BCAS3: variants seen among roughly 807,000 people sequenced by gnomAD.
BCAS3 encodes BCAS3 microtubule associated cell migration factor.
In BCAS3, 53 loss-of-function variants were observed where a neutral mutation model predicts 116.1. The ratio of observed to expected loss-of-function variants is 0.46; its 90% CI spans 0.37 to 0.57. The LOEUF (loss-of-function observed/expected upper bound fraction) is 0.57. BCAS3 is among the 20% of genes least tolerant of loss of function. BCAS3 has a pLI of 0.00. For synonymous variants in BCAS3, 391 were observed against 408.2 expected (o/e 0.96, Z 0.51); for missense variants, 917 against 1,165.4 (o/e 0.79, Z 3.10).
Position 61,186,672 on chromosome 17 carries a change from A to G in BCAS3, c.2425+102108A>G, listed in dbSNP as rs1476691201. Among the ~76,000 whole-genome samples, 1 of 152,030 alleles carries G rather than the reference A, an allele frequency of 6.6e-6. No homozygotes were observed. Among genetic ancestry groups the G allele is most frequent in the Non-Finnish European group, 1.5e-5 (1 of 68,002 alleles). ...AATCCTTTCTCCCTTCCCTGCCCCC[A>G]GCCACCCAGTTTCTCTGTTTAGAGG... On this transcript the variant is annotated intron_variant, in intron 22 of 23. Transcript: ENST00000407086. The surrounding 1 kb of genome is among the most constrained non-coding windows in gnomAD (Gnocchi z 4.9).
At chr17:60,812,773 T>C (rs1014863464) in intron 7 of BCAS3, among the ~76,000 whole-genome samples, 1 of 152,148 alleles carries the variant, frequency 6.6e-6, no homozygotes, top group Admixed American at 6.6e-5. Context: ...AGAGTCTCCC[T>C]CGGTCACCCA....
intron 22 of BCAS3, among the ~76,000 whole-genome samples, chr17:61,234,022 A>C (rs942234760): frequency 6.6e-6 from 1 of 152,038 alleles, no homozygotes; most frequent in Non-Finnish European, 1.5e-5. Context: ...GGAGCAAAAA[A>C]AGTGGTTCTA....
intron 6 of BCAS3, among the ~76,000 whole-genome samples, chr17:60,765,243 C>T (rs1053014265): frequency 3.9e-5 from 6 of 152,126 alleles, no homozygotes; most frequent in Non-Finnish European, 7.4e-5. Context: ...ATGATGTTAG[C>T]TAGTTATTTT....
At chr17:60,992,140 A>G (rs1208976223) in intron 15 of BCAS3, among the ~76,000 whole-genome samples, 1 of 149,054 alleles carries the variant, frequency 6.7e-6, no homozygotes, top group Admixed American at 6.8e-5. Flanking sequence ...AATTTGTTTC[A>G]GCTTCTGTAC....
rs1198312148 is a variant in BCAS3, at chr17:61,082,237, T to A, written c.2328-2230T>A. On this transcript the variant is annotated intron_variant, in intron 21 of 23. Coordinates refer to ENST00000407086, the MANE Select transcript of BCAS3 (RefSeq NM_017679.5). This position sits in a 1 kb window ranked among gnomAD's most constrained non-coding sequence, Gnocchi z 5.1. ...TATTTTATTTTATTTAACTGAGATA[T>A]AATTCACATAACATGAAATTTACCA... Among the ~76,000 whole-genome samples the A allele has an allele frequency of 1.3e-5, 2 of 152,214 alleles. No homozygotes were observed. Among genetic ancestry groups the A allele is most frequent in the African/African-American group, 4.8e-5 (2 of 41,458 alleles).
At chr17:61,070,028 G>A (rs1437769743) in intron 19 of BCAS3, 4 of 1,595,092 alleles carry the variant, frequency 2.5e-6, no homozygotes, top group East Asian at 2.2e-5. Context: ...AAGACACTGC[G>A]ACTCTGGAGA....
chr17:61,380,803 C>A lies in BCAS3; in HGVS notation c.2594-11174C>A, dbSNP rs555524723. Among the ~76,000 whole-genome samples, 3 of 152,324 alleles carry A rather than the reference C, an allele frequency of 2.0e-5. No homozygotes were observed. Among genetic ancestry groups the A allele is most frequent in the African/African-American group, 4.8e-5 (2 of 41,572 alleles). ...TTTGAGAACGCCACTCCCTGCCCCC[C>A]ACTTTGAAGATGGAAGTGAAATTTT... On this transcript the variant is annotated intron_variant, in intron 23 of 23. Coordinates refer to ENST00000407086, the MANE Select transcript of BCAS3 (RefSeq NM_017679.5). The surrounding 1 kb of genome is among the most constrained non-coding windows in gnomAD (Gnocchi z 4.2).
At chr17:61,110,753 G>C (rs1320620724) in intron 22 of BCAS3, among the ~76,000 whole-genome samples, 1 of 152,138 alleles carries the variant, frequency 6.6e-6, no homozygotes, top group African/African-American at 2.4e-5. Context: ...AGCTCAAGGA[G>C]GCCTGCCTGC....
At chr17:60,822,563 TA>T (rs1003864402) in intron 7 of BCAS3, among the ~76,000 whole-genome samples, 2 of 152,232 alleles carry the variant, frequency 1.3e-5, no homozygotes, top group Non-Finnish European at 2.9e-5. Context: ...TTTCAATAAA[TA>T]TAAGTTAAGA....
intron 6 of BCAS3, among the ~76,000 whole-genome samples, chr17:60,792,299 TC>T (rs2046843663): frequency 6.6e-6 from 1 of 152,194 alleles, no homozygotes; most frequent in African/African-American, 2.4e-5. Context: ...GGCAGGAGCT[TC>T]GTGCATGGGC....
At chr17:61,384,857 A>C (rs1263365431) in intron 23 of BCAS3, among the ~76,000 whole-genome samples, 2 of 152,152 alleles carry the variant, frequency 1.3e-5, no homozygotes, top group African/African-American at 2.4e-5. Context: ...GCCAGCTCTG[A>C]AGCCTGAGGG....
At position 61,307,331 on chromosome 17, in the gene BCAS3, C is replaced by A. The variant is rs894380849; in HGVS notation, c.2426-60996C>A. Among the ~76,000 whole-genome samples, 2 of 152,216 alleles carry A rather than the reference C, an allele frequency of 1.3e-5. No individual in the cohort carries two copies. The highest frequency in any genetic ancestry group is 4.8e-5 in the African/African-American group (2 of 41,454). On this transcript the variant is annotated intron_variant, in intron 22 of 23. Transcript: ENST00000407086. The surrounding 1 kb of genome is among the most constrained non-coding windows in gnomAD (Gnocchi z 4.7). ...CTTTTTGGGGAACGAAAAAAACTAC[C>A]TGTAATTTTTCCTGTCTACTTTTAC...
chr17:61,312,623 C>A (rs2054402824), intron 22 of BCAS3, among the ~76,000 whole-genome samples: 1 of 152,208 alleles, frequency 6.6e-6, no homozygotes, highest in African/African-American at 2.4e-5. Flanking sequence ...TGAGTTGCTT[C>A]TGTCCTGGAA....
chr17:60,758,981 A>AT lies in BCAS3; in HGVS notation c.403+11718dup, dbSNP rs778345782. Reference sequence around the variant, plus strand: ...TTTTATTCCACTGTAGTCTGAGAAGATTTTTTTTTTTTTTTTGGACACAGT... The same window carrying AT: ...TTTTATTCCACTGTAGTCTGAGAAGATTTTTTTTTTTTTTTTTGGACACAGT... On this transcript the variant is annotated intron_variant, in intron 6 of 23. Transcript: ENST00000407086. Among the ~76,000 whole-genome samples the AT allele has an allele frequency of 3.5e-3, 491 of 140,738 alleles. 4 individuals carry two copies. The highest frequency in any genetic ancestry group is 0.014 in the East Asian group (70 of 4,844). The allele number at this position is 140,738 out of a possible 152,430, so 92.3% of individuals were successfully genotyped here. A position where few individuals can be genotyped will look rare whatever the true frequency, so the allele number is the denominator to read the frequency against.
intron 6 of BCAS3, among the ~76,000 whole-genome samples, chr17:60,763,861 C>A (rs1312483823): frequency 6.6e-6 from 1 of 152,120 alleles, no homozygotes; most frequent in African/African-American, 2.4e-5. Context: ...TTAATTATTG[C>A]CTCAATTTCA....
chr17:61,079,695 AAG>A (rs1276817825), intron 21 of BCAS3, among the ~76,000 whole-genome samples: 1 of 151,698 alleles, frequency 6.6e-6, no homozygotes, highest in Admixed American at 6.6e-5. Flanking sequence ...TCCTGGGTTC[AAG>A]CAGTTCTCCT....
chr17:60,895,084 G>A (rs1406944994), intron 10 of BCAS3, among the ~76,000 whole-genome samples: 1 of 152,114 alleles, frequency 6.6e-6, no homozygotes, highest in African/African-American at 2.4e-5. Flanking sequence ...CATAGAATGA[G>A]TTAGGGAGAG....
chr17:60,744,778 G>T (rs924485558), intron 5 of BCAS3, among the ~76,000 whole-genome samples: 8 of 151,910 alleles, frequency 5.3e-5, no homozygotes, highest in Admixed American at 2.0e-4. Flanking sequence ...TGAATGTGGG[G>T]ATGCATTTTA....
chr17:61,058,854 A>G lies in BCAS3; in HGVS notation c.2030-16066A>G, dbSNP rs1410472343. ...TGATATAATTGACGTTTGGGGATAA[A>G]AATCTCTTACATGTTTTATATGATA... On this transcript the variant is annotated intron_variant, in intron 19 of 23. Coordinates refer to ENST00000407086, the MANE Select transcript of BCAS3 (RefSeq NM_017679.5). Among the ~76,000 whole-genome samples the G allele has an allele frequency of 2.6e-5, 4 of 152,112 alleles. No homozygotes were observed. The East Asian group carries it at 7.7e-4, about 29-fold the overall frequency.
Sources: gnomAD v4.1 joint callset for allele counts (sites outside exome capture counted in the v4.1 genomes callset) on GRCh38, gnomAD v4.1.1 for gene constraint, Gnocchi (gnomAD v3.1) non-coding constraint, MANE v1.5 for transcripts, NCBI Gene and HGNC (gene_info 2026-07-23, HGNC 2026-07-21) for gene names.